The following RYR3 variants were observed in gnomAD, a reference collection of about 807,000 sequenced individuals.
The protein encoded by RYR3 is ryanodine receptor 3, also known as brain ryanodine receptor-calcium release channel.
RYR3 carries 207 observed loss-of-function variants against 584.3 expected under a neutral mutation model. The observed-to-expected ratio is 0.35, with a 90% CI of 0.32 to 0.40. The LOEUF (loss-of-function observed/expected upper bound fraction) is 0.40. Among genes scored for constraint, RYR3 ranks in the 10% least tolerant of loss-of-function variants. The pLI, the probability that RYR3 is intolerant of heterozygous loss-of-function variation, is 1.00. For missense variants in RYR3, 5,616 were observed against 6,089.2 expected (o/e 0.92, Z 2.59); for synonymous variants, 2,416 against 2,248.5 (o/e 1.07, Z -2.11).
At chr15:33,487,204 A>G (rs111700771) in intron 2 of RYR3, among the ~76,000 whole-genome samples, 105 of 151,510 alleles carry the variant, frequency 6.9e-4, no homozygotes, top group African/African-American at 2.5e-3. Context: ...TCTCAAAGAA[A>G]AAAAAAAAAG....
At chr15:33,376,096 C>A (rs554347308) in intron 1 of RYR3, among the ~76,000 whole-genome samples, 2 of 152,264 alleles carry the variant, frequency 1.3e-5, no homozygotes, top group South Asian at 4.2e-4. Flanking sequence ...TTTCTGTAAA[C>A]CCAAGTTTCT....
chr15:33,434,282 C>T (rs1374538603), intron 1 of RYR3, among the ~76,000 whole-genome samples: 2 of 151,848 alleles, frequency 1.3e-5, no homozygotes. Context: ...GGTTGTTTGC[C>T]AGTTACAGCG....
chr15:33,772,281 C>T, intron 63 of RYR3, 123 bp downstream of exon 63: 1 of 592,504 alleles, frequency 1.7e-6, no homozygotes, highest in Non-Finnish European at 3.0e-6. Context: ...CATGCCTTTT[C>T]TTTCTTAGAT....
rs571967363 is a variant in RYR3 at position 33,654,126 on chromosome 15, C to T, written c.4308+1243C>T. On this transcript the variant is annotated intron_variant, in intron 32 of 103. Transcript: ENST00000634891. ...GTATTTGTAGACAGAGAACGCTGTA[C>T]GAGTTCAAAAAAGGAAGAGCTCACT... Among the ~76,000 whole-genome samples the T allele has an allele frequency of 1.1e-3, 162 of 152,022 alleles. 1 individual carries two copies. Among genetic ancestry groups the T allele is most frequent in the Admixed American group, 2.6e-3 (39 of 15,284 alleles).
At chr15:33,460,579 G>A (rs1402425774) in intron 1 of RYR3, among the ~76,000 whole-genome samples, 1 of 152,156 alleles carries the variant, frequency 6.6e-6, no homozygotes, top group Non-Finnish European at 1.5e-5. Flanking sequence ...AAGCTTTCTT[G>A]TATTCTGAGG....
At chr15:33,768,976 G>A (rs1265028673) in intron 61 of RYR3, 136 bp from the exon 62 acceptor site, 30 of 741,744 alleles carry the variant, frequency 4.0e-5, no homozygotes, top group East Asian at 3.3e-4. Context: ...ATGCATTGTC[G>A]CTGAACACAG....
At chr15:33,863,369 G>C (rs938559300) in intron 102 of RYR3, among the ~76,000 whole-genome samples, 1 of 152,124 alleles carries the variant, frequency 6.6e-6, no homozygotes, top group East Asian at 1.9e-4. Flanking sequence ...AGGACCTGAC[G>C]CTCTATACAC....
At chr15:33,437,928 G>T (rs2045873592) in intron 1 of RYR3, among the ~76,000 whole-genome samples, 4 of 152,028 alleles carry the variant, frequency 2.6e-5, no homozygotes. Flanking sequence ...TTGCCATGTT[G>T]CCCAGGCTGG....
Position 33,656,398 on chromosome 15 carries a change from T to C in RYR3, c.4309-3322T>C, listed in dbSNP as rs150301097. On this transcript the variant is annotated intron_variant, in intron 32 of 103. Coordinates refer to ENST00000634891, the MANE Select transcript of RYR3 (RefSeq NM_001036.6). ...TCCTGTGCTCACTGCCGCCTCCCCA[T>C]GCATGAAACAGTACCTGGCATCTAG... is the stretch of plus-strand genomic sequence containing the variant. 2.8e-3 allele frequency among the ~76,000 whole-genome samples: 424 copies of C among 152,282 alleles called. 2 individuals carry two copies. Among genetic ancestry groups the C allele is most frequent in the African/African-American group, 9.3e-3 (388 of 41,556 alleles).
chr15:33,513,326 T>C (rs1397875031), intron 3 of RYR3, among the ~76,000 whole-genome samples: 1 of 152,206 alleles, frequency 6.6e-6, no homozygotes, highest in Non-Finnish European at 1.5e-5. Context: ...GTTAACTTGG[T>C]GCTAGAGAAA....
chr15:33,484,636 A>G (rs1054027599), intron 2 of RYR3, among the ~76,000 whole-genome samples: 1 of 144,496 alleles, frequency 6.9e-6, no homozygotes, highest in Admixed American at 7.0e-5. Context: ...ATGGGTAACA[A>G]TTCATGGAGT....
chr15:33,797,110 G>A (rs752180700), intron 67 of RYR3, among the ~76,000 whole-genome samples: 7 of 152,164 alleles, frequency 4.6e-5, no homozygotes, highest in South Asian at 2.1e-4. Flanking sequence ...GGAAGGGTTG[G>A]ATGGAGCTGA....
chr15:33,610,890 A>G (rs576285155), intron 18 of RYR3, among the ~76,000 whole-genome samples: 82 of 152,318 alleles, frequency 5.4e-4, no homozygotes, highest in African/African-American at 1.7e-3. Context: ...GACCCATCAC[A>G]TGAGGTTGAG....
rs1395237334 is a variant in RYR3, at chr15:33,838,667, C to G, written c.12687C>G (p.Thr4229=). The change falls in exon 89 of 104, where the codon ACC becomes ACG. Residue 4229 remains threonine, a synonymous_variant. Coordinates refer to ENST00000634891, the MANE Select transcript of RYR3 (RefSeq NM_001036.6). ...LVEGAKNIRV[T]KILGDMPDPT... The stretch of plus-strand genomic sequence containing the variant: ...AAGGGGCAAAGAACATCAGAGTGAC[C>G]AAGATCCTGGGTGACATGCCTGACC... The G allele has an allele frequency of 2.5e-6, 4 of 1,613,746 alleles. No individual in the cohort carries two copies. Among genetic ancestry groups the G allele is most frequent in the South Asian group, 2.2e-5 (2 of 91,070 alleles).
chr15:33,435,421 G>A (rs1026560779), intron 1 of RYR3, among the ~76,000 whole-genome samples: 1 of 152,098 alleles, frequency 6.6e-6, no homozygotes, highest in African/African-American at 2.4e-5. Context: ...TTATCATTAT[G>A]CTTTTTTCCA....
intron 3 of RYR3, among the ~76,000 whole-genome samples, chr15:33,509,290 A>C (rs1370441354): frequency 6.6e-6 from 1 of 152,190 alleles, no homozygotes; most frequent in East Asian, 1.9e-4. Context: ...TAGAATGAAG[A>C]GGGCTAATAG....
At chr15:33,785,261 C>T (rs2152907455) in intron 65 of RYR3, among the ~76,000 whole-genome samples, 1 of 152,310 alleles carries the variant, frequency 6.6e-6, no homozygotes, top group East Asian at 1.9e-4. Flanking sequence ...TGGAACTAAA[C>T]ACTGATCAGT....
intron 1 of RYR3, among the ~76,000 whole-genome samples, chr15:33,359,761 G>A (rs1164859653): frequency 6.6e-6 from 1 of 152,022 alleles, no homozygotes; most frequent in African/African-American, 2.4e-5. Flanking sequence ...TGGGACTACA[G>A]GCGCCCACCA....
At chr15:33,863,204 C>T (rs1889126525) in intron 102 of RYR3, among the ~76,000 whole-genome samples, 1 of 152,150 alleles carries the variant, frequency 6.6e-6, no homozygotes. Flanking sequence ...AGCCTCCCAC[C>T]TAAAATGGTG....
Sources: allele counts gnomAD v4.1 joint callset (sites outside exome capture counted in the v4.1 genomes callset), GRCh38; gene constraint gnomAD v4.1.1; transcripts MANE v1.5; gene names NCBI Gene and HGNC (gene_info 2026-07-23, HGNC 2026-07-21).